EYS: variants seen among roughly 807,000 people sequenced by gnomAD.
EYS encodes the protein EGF-like photoreceptor maintenance factor, also known as protein eyes shut homolog.
Under a neutral mutation model 282.1 loss-of-function variants are expected in EYS, and 250 were observed. The observed-to-expected ratio is 0.89, with a 90% CI of 0.80 to 0.98. EYS has a LOEUF of 0.98. Among genes scored for constraint, EYS ranks in the 50% least tolerant of loss-of-function variants. The probability of loss-of-function intolerance (pLI) is 0.00; values close to 1 mark genes in which losing one functional copy is unlikely to be tolerated. For missense variants in EYS, 4,016 were observed against 3,709.0 expected, an observed-to-expected ratio of 1.08 and a Z score of -2.15; for synonymous variants, 1,355 against 1,282.9, an observed-to-expected ratio of 1.06 and a Z score of -1.20.
chr6:64,830,302 G>A (rs553465500), intron 19 of EYS, among the ~76,000 whole-genome samples: 2 of 152,086 alleles, frequency 1.3e-5, no homozygotes, highest in Admixed American at 1.3e-4. Flanking sequence ...CAGTCTACGG[G>A]ATTTTGTGAT....
intron 30 of EYS, among the ~76,000 whole-genome samples, chr6:64,278,404 A>G (rs913050064): frequency 6.6e-6 from 1 of 152,088 alleles, no homozygotes; most frequent in Non-Finnish European, 1.5e-5. Flanking sequence ...GTACTTTATA[A>G]TGTCTGACAT....
chr6:64,274,014 G>A (rs1327836941), intron 30 of EYS, among the ~76,000 whole-genome samples: 3 of 152,116 alleles, frequency 2.0e-5, no homozygotes, highest in Non-Finnish European at 4.4e-5. Flanking sequence ...TATCCCTCCG[G>A]ATCACGTTTC....
intron 22 of EYS, among the ~76,000 whole-genome samples, chr6:64,660,488 C>T (rs1249726526): frequency 2.0e-5 from 3 of 151,950 alleles, no homozygotes; most frequent in Non-Finnish European, 4.4e-5. Context: ...CTAGAAAACC[C>T]GATCATCTCA....
chr6:65,631,267 T>G (rs977395447), intron 2 of EYS, among the ~76,000 whole-genome samples: 2 of 152,106 alleles, frequency 1.3e-5, no homozygotes, highest in Non-Finnish European at 2.9e-5. Context: ...CTGAATTCTG[T>G]CTGGAGGATG....
At chr6:64,575,092 A>G (rs768612825) in intron 26 of EYS, among the ~76,000 whole-genome samples, 1 of 152,194 alleles carries the variant, frequency 6.6e-6, no homozygotes, top group Non-Finnish European at 1.5e-5. Context: ...ACCCAGAATA[A>G]GAGTGTGATT....
intron 35 of EYS, among the ~76,000 whole-genome samples, chr6:63,982,632 G>A (rs1767152087): frequency 6.6e-6 from 1 of 151,764 alleles, no homozygotes; most frequent in South Asian, 2.1e-4. Flanking sequence ...ACACTTCTAT[G>A]TAGTCTAATC....
At chr6:64,853,393 G>C (rs1439699192) in intron 19 of EYS, among the ~76,000 whole-genome samples, 1 of 152,002 alleles carries the variant, frequency 6.6e-6, no homozygotes, top group Admixed American at 6.6e-5. Context: ...TTGTGTCCAG[G>C]GCTTTCTTTT....
chr6:63,947,288 T>C (rs931390134), intron 35 of EYS, among the ~76,000 whole-genome samples: 1 of 152,108 alleles, frequency 6.6e-6, no homozygotes, highest in Non-Finnish European at 1.5e-5. Flanking sequence ...ATCTCAGTTT[T>C]TTCATCTAAA....
chr6:64,163,366 T>C (rs1233605194), intron 31 of EYS, among the ~76,000 whole-genome samples: 4 of 152,110 alleles, frequency 2.6e-5, no homozygotes, highest in Non-Finnish European at 4.4e-5. Context: ...CTATTTTCTT[T>C]TAATTCCAAA....
rs192217987 is a variant in EYS at position 65,018,287 on chromosome 6, T to C, written c.2138-20584A>G. On this transcript the variant is annotated intron_variant, in intron 13 of 42. Transcript: ENST00000503581. ...AGGTCTTGGCAGGGTTGGTTCCTTCTGAGGGCTGTAAGAGAGAATGTGTTC... is the reference window on the plus strand; with the variant it reads ...AGGTCTTGGCAGGGTTGGTTCCTTCCGAGGGCTGTAAGAGAGAATGTGTTC... Among the ~76,000 whole-genome samples the C allele has an allele frequency of 1.4e-3, 213 of 152,296 alleles. 2 individuals are homozygous for C. The highest frequency in any genetic ancestry group is 3.4e-3 in the Middle Eastern group (1 of 294).
intron 1 of EYS, among the ~76,000 whole-genome samples, chr6:65,665,427 A>G (rs1368146771): frequency 6.6e-6 from 1 of 152,162 alleles, no homozygotes; most frequent in Non-Finnish European, 1.5e-5. Context: ...ATGGCCACTA[A>G]ACTGTGGGAA....
chr6:64,014,263 G>T (rs1379657270), intron 33 of EYS, among the ~76,000 whole-genome samples: 1 of 151,712 alleles, frequency 6.6e-6, no homozygotes, highest in Non-Finnish European at 1.5e-5. Context: ...CTCACATTAG[G>T]TGGTAAATGA....
intron 29 of EYS, among the ~76,000 whole-genome samples, chr6:64,347,371 A>T (rs1183319819): frequency 6.6e-6 from 1 of 151,386 alleles, no homozygotes; most frequent in Non-Finnish European, 1.5e-5. Context: ...CATTTTGAGG[A>T]CTTCTTAGCT....
intron 28 of EYS, among the ~76,000 whole-genome samples, chr6:64,400,878 G>T (rs942225632): frequency 1.3e-5 from 2 of 151,976 alleles, no homozygotes; most frequent in Non-Finnish European, 2.9e-5. Context: ...GATTGTTCAG[G>T]TTTGTCATTT....
At chr6:64,896,664 C>T (rs1256262511) in intron 18 of EYS, among the ~76,000 whole-genome samples, 1 of 151,960 alleles carries the variant, frequency 6.6e-6, no homozygotes, top group Non-Finnish European at 1.5e-5. Flanking sequence ...TCAGCAGATC[C>T]CACCCCCACA....
rs190906509 is a variant in EYS at position 63,902,739 on chromosome 6, A to T, written c.7056-38381T>A. 2.5e-3 allele frequency among the ~76,000 whole-genome samples: 385 copies of T among 152,252 alleles called. 1 individual carries two copies. Among genetic ancestry groups the T allele is most frequent in the African/African-American group, 3.7e-3 (152 of 41,524 alleles). On this transcript the variant is annotated intron_variant, in intron 35 of 42. Coordinates refer to ENST00000503581, the MANE Select transcript of EYS (RefSeq NM_001142800.2). Reference sequence around the variant, plus strand: ...AAAATAATACAAAATAATATAAAAAATCCAAAAGGGAATTCAAATAGTATG... The same window carrying T: ...AAAATAATACAAAATAATATAAAAATTCCAAAAGGGAATTCAAATAGTATG...
chr6:64,313,809 G>A (rs1010512619), intron 29 of EYS, among the ~76,000 whole-genome samples: 5 of 152,094 alleles, frequency 3.3e-5, no homozygotes, highest in Non-Finnish European at 7.3e-5. Flanking sequence ...TTACAGACAA[G>A]CAAATGCTGA....
At chr6:64,341,309 G>T (rs1263641359) in intron 29 of EYS, among the ~76,000 whole-genome samples, 1 of 151,716 alleles carries the variant, frequency 6.6e-6, no homozygotes, top group African/African-American at 2.4e-5. Context: ...CCCATTAATG[G>T]TGGATTGGAT....
chr6:63,984,935 A>G (rs1288207707), intron 34 of EYS, among the ~76,000 whole-genome samples: 1 of 151,800 alleles, frequency 6.6e-6, no homozygotes, highest in Non-Finnish European at 1.5e-5. Context: ...ACCAAATAAT[A>G]ACTAAAAAAG....
Sources: gnomAD v4.1 joint callset for allele counts (sites outside exome capture counted in the v4.1 genomes callset) on GRCh38, gnomAD v4.1.1 for gene constraint, MANE v1.5 for transcripts, NCBI Gene and HGNC (gene_info 2026-07-23, HGNC 2026-07-21) for gene names.